The following MRTFA variants were observed in gnomAD, a reference collection of about 807,000 sequenced individuals.
The protein encoded by MRTFA is myocardin-related transcription factor A.
A neutral mutation model predicts 83.5 loss-of-function variants in MRTFA; 20 were observed. The observed-to-expected ratio is 0.24, with a 90% CI of 0.17 to 0.35. MRTFA has a LOEUF of 0.35. Among genes scored for constraint, MRTFA ranks in the 10% least tolerant of loss-of-function variants. The probability of loss-of-function intolerance (pLI) is 1.00; values close to 1 mark genes in which losing one functional copy is unlikely to be tolerated. For synonymous variants in MRTFA, 659 were observed against 541.2 expected, an observed-to-expected ratio of 1.22 and a Z score of -3.02; for missense variants, 1,200 against 1,224.7, an observed-to-expected ratio of 0.98 and a Z score of 0.30.
intron 1 of MRTFA, among the ~76,000 whole-genome samples, chr22:40,611,080 C>T (rs1181854829): frequency 4.0e-5 from 6 of 151,442 alleles, no homozygotes; most frequent in South Asian, 2.1e-4. Flanking sequence ...TGGGATTACA[C>T]GCGTGTGCCA....
chr22:40,493,135 C>T (rs1175088531), intron 3 of MRTFA, among the ~76,000 whole-genome samples: 1 of 152,130 alleles, frequency 6.6e-6, no homozygotes, highest in Non-Finnish European at 1.5e-5. Flanking sequence ...GGAAGGAAAT[C>T]AGGACAGCTA....
At chr22:40,412,102 G>C in intron 14 of MRTFA, 195 bp from the exon 15 acceptor site, 1 of 437,910 alleles carries the variant, frequency 2.3e-6, no homozygotes, top group East Asian at 3.6e-5. Flanking sequence ...ATAAAGAAGT[G>C]ATATCCGGAA....
At chr22:40,538,565 A>G (rs1213015249) in intron 3 of MRTFA, among the ~76,000 whole-genome samples, 1 of 75,860 alleles carries the variant, frequency 1.3e-5, no homozygotes, top group Non-Finnish European at 2.8e-5. Flanking sequence ...AATTATCAAT[A>G]AAAAAATAAA....
intron 4 of MRTFA, among the ~76,000 whole-genome samples, chr22:40,459,459 G>C (rs2053657439): frequency 6.6e-6 from 1 of 151,910 alleles, no homozygotes; most frequent in Non-Finnish European, 1.5e-5. Context: ...TGGTATATGG[G>C]AAAATGCAAT....
intron 3 of MRTFA, among the ~76,000 whole-genome samples, chr22:40,487,067 TTGTG>T (rs2054185460): frequency 6.6e-6 from 1 of 152,198 alleles, no homozygotes; most frequent in African/African-American, 2.4e-5. Flanking sequence ...TCATATATAC[TTGTG>T]TGTGTTTGTG....
In MRTFA at chr22:40,565,215, A is replaced by G. The variant is rs771691278; in HGVS notation, c.-21-12848T>C. ...GTGAACATCTTCCCTTAACTAAACA[A>G]CATAAATTGCCTTTCAGTCTTATGG... On this transcript the variant is annotated intron_variant, in intron 2 of 14. Coordinates refer to ENST00000355630, the MANE Select transcript of MRTFA (RefSeq NM_020831.6). 5.3e-5 allele frequency among the ~76,000 whole-genome samples: 8 copies of G among 152,320 alleles called. No individual in the cohort carries two copies. In the South Asian group the frequency reaches 8.3e-4, roughly 16 times the overall value.
chr22:40,571,977 C>T (rs1306270781), intron 2 of MRTFA, among the ~76,000 whole-genome samples: 2 of 143,756 alleles, frequency 1.4e-5, no homozygotes, highest in African/African-American at 2.6e-5. Flanking sequence ...TCAAAAAATG[C>T]TCAACATCAC....
intron 3 of MRTFA, among the ~76,000 whole-genome samples, chr22:40,524,044 CTA>C (rs1458779774): frequency 6.6e-6 from 1 of 152,128 alleles, no homozygotes; most frequent in African/African-American, 2.4e-5. Context: ...TTTTCACACC[CTA>C]TAGTCAATGA....
rs1310700476 is a variant in MRTFA, at chr22:40,463,441, G to A, written c.242-155C>T. The A allele has an allele frequency of 1.3e-5, 8 of 625,822 alleles. No homozygotes were observed. The African/African-American group carries it at 1.3e-4, about 10-fold the overall frequency. The allele number at this position is 625,822 out of a possible 1,614,324, so 38.8% of individuals were successfully genotyped here. ...TGCAACTGTCTGTAATTGCAGAAGT[G>A]GCCTGATACAGCAGAGTTTCCGTAT... On this transcript the variant is annotated intron_variant, in intron 3 of 14. Coordinates refer to ENST00000355630, the MANE Select transcript of MRTFA (RefSeq NM_020831.6).
intron 3 of MRTFA, among the ~76,000 whole-genome samples, chr22:40,500,136 G>A (rs186651364): frequency 6.6e-6 from 1 of 150,756 alleles, no homozygotes; most frequent in East Asian, 1.9e-4. Flanking sequence ...TCACCATGTT[G>A]GCCAGGCTGG....
Position 40,418,400 on chromosome 22 carries a change from C to T in MRTFA, c.2338G>A (p.Gly780Ser). Residue 780 changes from glycine to serine, a missense_variant, in exon 12 of 15, where the codon GGC becomes AGC. By Grantham distance (56) the Gly-to-Ser change is moderately conservative. Transcript: ENST00000355630. ...TGCTGGGGGCTCCCACTGGACAGGC[C>T]AGGGCTGTCTGCATTCTTATTGGTC... 2 of 1,614,034 alleles carry T rather than the reference C, an allele frequency of 1.2e-6. No homozygotes were observed. Among genetic ancestry groups the T allele is most frequent in the Non-Finnish European group, 1.7e-6 (2 of 1,179,920 alleles).
chr22:40,622,259 A>C (rs1404318673), intron 1 of MRTFA, among the ~76,000 whole-genome samples: 2 of 152,138 alleles, frequency 1.3e-5, no homozygotes, highest in Non-Finnish European at 2.9e-5. Context: ...AGGCAGGTAG[A>C]TCACGAGGTC....
chr22:40,578,265 T>C (rs2055897065), intron 2 of MRTFA, among the ~76,000 whole-genome samples: 1 of 152,140 alleles, frequency 6.6e-6, no homozygotes, highest in Non-Finnish European at 1.5e-5. Context: ...GAATTCATGA[T>C]CTTTTCAATA....
chr22:40,538,751 C>G (rs918995999), intron 3 of MRTFA, among the ~76,000 whole-genome samples: 14 of 151,966 alleles, frequency 9.2e-5, no homozygotes, highest in African/African-American at 3.4e-4. Context: ...ATTTTTTGTG[C>G]AAATTAGTAA....
intron 2 of MRTFA, among the ~76,000 whole-genome samples, chr22:40,556,302 G>A (rs2055523531): frequency 6.6e-6 from 1 of 152,108 alleles, no homozygotes; most frequent in Non-Finnish European, 1.5e-5. Context: ...AGTGAAGAAA[G>A]GCACTAGAAA....
intron 3 of MRTFA, among the ~76,000 whole-genome samples, chr22:40,467,079 T>TTCA (rs2053823299): frequency 6.6e-6 from 1 of 152,136 alleles, no homozygotes; most frequent in Non-Finnish European, 1.5e-5. Flanking sequence ...TAAAGTTCAG[T>TTCA]TATCTGAAAA....
At chr22:40,498,437 C>T (rs984930465) in intron 3 of MRTFA, among the ~76,000 whole-genome samples, 32 of 149,884 alleles carry the variant, frequency 2.1e-4, no homozygotes, top group African/African-American at 7.6e-4. Flanking sequence ...GTACAAGCTA[C>T]CATGCCCAGC....
intron 8 of MRTFA, 73 bp from the exon 9 acceptor site, chr22:40,423,758 AC>A: frequency 7.5e-7 from 1 of 1,340,928 alleles, no homozygotes. Flanking sequence ...CTGACCCTAC[AC>A]AGGGTCCTCA....
chr22:40,587,800 C>A, intron 2 of MRTFA: 2 of 342,460 alleles, frequency 5.8e-6, no homozygotes. Context: ...TGCCAGTACC[C>A]CAAGATTCAG....
Sources: allele counts gnomAD v4.1 joint callset (sites outside exome capture counted in the v4.1 genomes callset), GRCh38; gene constraint gnomAD v4.1.1; transcripts MANE v1.5; gene names NCBI Gene and HGNC (gene_info 2026-07-23, HGNC 2026-07-21).